LEKR1: variants seen among roughly 807,000 people sequenced by gnomAD.
LEKR1 encodes the protein protein LEKR1.
Under a neutral mutation model 72.4 loss-of-function variants are expected in LEKR1, and 59 were observed. The ratio of observed to expected loss-of-function variants is 0.82; its 90% CI spans 0.66 to 1.01. The LOEUF (loss-of-function observed/expected upper bound fraction) is 1.01. LEKR1 is among the 50% of genes least tolerant of loss of function. The pLI is 0.00. For missense variants in LEKR1, 728 were observed against 759.2 expected (o/e 0.96, Z 0.48); for synonymous variants, 257 against 263.2 (o/e 0.98, Z 0.23).
At chr3:156,901,933 C>T (rs1033414032) in intron 3 of LEKR1, among the ~76,000 whole-genome samples, 4 of 152,206 alleles carry the variant, frequency 2.6e-5, no homozygotes, top group African/African-American at 9.6e-5. Context: ...ATCCAAACGC[C>T]TTGGCCTCCC....
chr3:157,014,121 CTATT>C (rs1283330612), intron 10 of LEKR1, among the ~76,000 whole-genome samples: 11 of 151,946 alleles, frequency 7.2e-5, no homozygotes, highest in African/African-American at 2.4e-4. Context: ...AATATTGTTA[CTATT>C]TAAAGTTTTT....
chr3:156,935,480 C>A (rs996994183), intron 5 of LEKR1, among the ~76,000 whole-genome samples: 1 of 152,072 alleles, frequency 6.6e-6, no homozygotes, highest in African/African-American at 2.4e-5. Flanking sequence ...TTAACAGTTT[C>A]TTTGATCAAT....
In LEKR1 at chr3:157,028,310, A is replaced by G; in HGVS notation, c.1576A>G (p.Arg526Gly). ...DSNDSVSENL[R>G]KEMEQKSDEL... ...TAATGATTCAGTTTCAGAAAACTTG[A>G]GGAAGGAAATGGAACAGAAGTCGGA... Residue 526 changes from arginine to glycine, a missense_variant, in exon 12 of 13, where the codon AGG (arginine) becomes GGG (glycine). Physicochemically the swap from Arg to Gly is moderately radical, Grantham distance 125. Transcript: ENST00000356539. 3.1e-6 allele frequency: 5 copies of G among 1,613,504 alleles called. No individual in the cohort carries two copies. Among genetic ancestry groups the G allele is most frequent in the Non-Finnish European group, 2.5e-6 (3 of 1,179,662 alleles).
chr3:156,876,843 A>G (rs6774702), intron 3 of LEKR1, among the ~76,000 whole-genome samples: 50,995 of 152,024 alleles, frequency 0.34, 11,194 homozygotes, highest in African/African-American at 0.62. Context: ...CACTGGCTAG[A>G]ACTTCTAGTA....
chr3:156,952,412 C>T (rs1015425606), intron 6 of LEKR1, among the ~76,000 whole-genome samples: 1 of 151,404 alleles, frequency 6.6e-6, no homozygotes, highest in Non-Finnish European at 1.5e-5. Context: ...GATAGATTCT[C>T]ATGAAAACTG....
At chr3:156,936,320 A>G (rs1479864738) in intron 5 of LEKR1, among the ~76,000 whole-genome samples, 1 of 152,012 alleles carries the variant, frequency 6.6e-6, no homozygotes, top group Non-Finnish European at 1.5e-5. Flanking sequence ...ACATAAAGAT[A>G]TATAGGCATT....
intron 9 of LEKR1, among the ~76,000 whole-genome samples, chr3:157,005,731 CTT>C (rs1465036880): frequency 6.6e-6 from 1 of 151,934 alleles, no homozygotes; most frequent in Non-Finnish European, 1.5e-5. Flanking sequence ...TCAAAAGACA[CTT>C]TAAGAGAATG....
In LEKR1 at chr3:157,018,673, A is replaced by C. The variant is rs138970274; in HGVS notation, c.1204-6087A>C. Among the ~76,000 whole-genome samples, 758 of 152,304 alleles carry C rather than the reference A, an allele frequency of 5.0e-3. 3 individuals carry two copies. Among genetic ancestry groups the C allele is most frequent in the African/African-American group, 0.017 (713 of 41,554 alleles). ...CTATAGAGTTCACCGGCAACACCTG[A>C]GTATACACATTGTTTCCACCTTGTA... is the stretch of plus-strand genomic sequence containing the variant. On this transcript the variant is annotated intron_variant, in intron 10 of 12. Coordinates refer to ENST00000356539, the MANE Select transcript of LEKR1 (RefSeq NM_001004316.3).
At chr3:156,892,865 T>G (rs962012037) in intron 3 of LEKR1, among the ~76,000 whole-genome samples, 1 of 152,224 alleles carries the variant, frequency 6.6e-6, no homozygotes, top group Non-Finnish European at 1.5e-5. Context: ...TGGCTAAAAT[T>G]TAGCACAGTT....
At chr3:156,903,723 A>C (rs573533252) in intron 3 of LEKR1, among the ~76,000 whole-genome samples, 1 of 152,212 alleles carries the variant, frequency 6.6e-6, no homozygotes, top group East Asian at 1.9e-4. Flanking sequence ...CTGCAAATCA[A>C]CTTTCTCATA....
intron 2 of LEKR1, among the ~76,000 whole-genome samples, chr3:156,840,435 T>C (rs1213398722): frequency 1.3e-5 from 2 of 152,250 alleles, no homozygotes; most frequent in African/African-American, 2.4e-5. Context: ...ACATTGTTAA[T>C]AGTATATTTT....
At chr3:156,949,589 T>C (rs1726977684) in intron 6 of LEKR1, among the ~76,000 whole-genome samples, 1 of 151,262 alleles carries the variant, frequency 6.6e-6, no homozygotes, top group Non-Finnish European at 1.5e-5. Context: ...TTATTTTGCA[T>C]AAGTTAAACT....
At chr3:156,979,924 A>C in intron 7 of LEKR1, 1 of 152,182 alleles carries the variant, frequency 6.6e-6, no homozygotes, top group Non-Finnish European at 1.5e-5. Flanking sequence ...TGAACTGGGA[A>C]GATCACCTAA....
intron 3 of LEKR1, among the ~76,000 whole-genome samples, chr3:156,900,332 T>C (rs1467230745): frequency 6.6e-6 from 1 of 152,216 alleles, no homozygotes; most frequent in East Asian, 1.9e-4. Context: ...AAGACCAGTT[T>C]GTGACTTCTG....
intron 3 of LEKR1, among the ~76,000 whole-genome samples, chr3:156,917,174 A>G (rs1723738445): frequency 6.6e-6 from 1 of 152,144 alleles, no homozygotes; most frequent in South Asian, 2.1e-4. Context: ...TAAAACTTTA[A>G]TAGGATGGAA....
chr3:157,027,554 A>G (rs1190891153), intron 11 of LEKR1, among the ~76,000 whole-genome samples: 2 of 152,032 alleles, frequency 1.3e-5, no homozygotes, highest in Non-Finnish European at 2.9e-5. Flanking sequence ...AGTGGCTCAC[A>G]GCTGTAATCC....
intron 6 of LEKR1, among the ~76,000 whole-genome samples, chr3:156,950,638 T>C: frequency 6.6e-6 from 1 of 151,202 alleles, no homozygotes; most frequent in African/African-American, 2.4e-5. Flanking sequence ...AAATTGTAAA[T>C]GGGATTGTGT....
At position 157,045,704 on chromosome 3, in the gene LEKR1, G is replaced by A; in HGVS notation, c.2033G>A (p.Arg678Lys). Reference sequence around the variant, plus strand: ...GGAGCATCTTCAGCAAATGAGACTAGACAGAGACTGGCTGCCATTCTTAGG... The same window carrying A: ...GGAGCATCTTCAGCAAATGAGACTAAACAGAGACTGGCTGCCATTCTTAGG... ...RGGASSANETRQRLAAILRRR... is the reference protein window; with the variant it reads ...RGGASSANETKQRLAAILRRR... Residue 678 changes from arginine (R) to lysine (K), a missense_variant, in exon 13 of 13, where the codon AGA (arginine) becomes AAA (lysine). Arg to Lys is a conservative substitution (Grantham distance 26). Coordinates refer to ENST00000356539, the MANE Select transcript of LEKR1 (RefSeq NM_001004316.3). The A allele has an allele frequency of 6.2e-7, 1 of 1,612,760 alleles. No individual in the cohort carries two copies. The highest frequency in any genetic ancestry group is 8.5e-7 in the Non-Finnish European group (1 of 1,179,994).
intron 6 of LEKR1, among the ~76,000 whole-genome samples, chr3:156,954,435 A>G (rs753620281): frequency 6.6e-6 from 1 of 151,792 alleles, no homozygotes; most frequent in South Asian, 2.1e-4. Context: ...CTCTGCCTGT[A>G]CCTACGTCCT....
Sources: allele counts gnomAD v4.1 joint callset (sites outside exome capture counted in the v4.1 genomes callset), GRCh38; gene constraint gnomAD v4.1.1; transcripts MANE v1.5; gene names NCBI Gene and HGNC (gene_info 2026-07-23, HGNC 2026-07-21).